The following ATP10B variants were observed in gnomAD, a reference collection of about 807,000 sequenced individuals.
ATP10B encodes ATPase phospholipid transporting 10B (putative).
ATP10B carries 122 observed loss-of-function variants against 141.2 expected under a neutral mutation model. That is an observed-to-expected ratio of 0.86 (90% CI 0.75 to 1.00). The LOEUF (loss-of-function observed/expected upper bound fraction) is 1.00, where lower values mean the gene tolerates loss of function less well. Ranked by LOEUF, ATP10B falls within the 50% of genes least tolerant of loss-of-function variation. The pLI is 0.00. For missense variants in ATP10B, 1,876 were observed against 1,825.3 expected (o/e 1.03, Z -0.51); for synonymous variants, 685 against 692.0 (o/e 0.99, Z 0.16).
chr5:160,827,444 T>G (rs368399253), intron 1 of ATP10B, among the ~76,000 whole-genome samples: 2 of 152,360 alleles, frequency 1.3e-5, no homozygotes, highest in South Asian at 4.1e-4. Flanking sequence ...GTTGGCCATG[T>G]GTATGGCTTC....
At chr5:160,871,451 G>C in the ATP10B span, among the ~76,000 whole-genome samples, 1 of 151,918 alleles carries the variant, frequency 6.6e-6, no homozygotes. Context: ...GTGAGATTTT[G>C]GTGCACCCAT....
chr5:160,685,796 A>G (rs1336846406), intron 6 of ATP10B, among the ~76,000 whole-genome samples: 1 of 152,156 alleles, frequency 6.6e-6, no homozygotes, highest in Non-Finnish European at 1.5e-5. Context: ...ACTGGTTAAT[A>G]ATTGTTCCCC....
chr5:160,709,836 C>T (rs931928934), intron 3 of ATP10B, among the ~76,000 whole-genome samples: 6 of 116,688 alleles, frequency 5.1e-5, no homozygotes, highest in African/African-American at 2.0e-4. Context: ...GTTCAATTCC[C>T]ACCTATGAGT....
At chr5:160,629,377 T>A (rs1045807432) in intron 13 of ATP10B, among the ~76,000 whole-genome samples, 1 of 152,138 alleles carries the variant, frequency 6.6e-6, no homozygotes. Flanking sequence ...CCTCCCAAGC[T>A]GTAGAAAGTG....
At chr5:160,666,724 G>T (rs1762340340) in intron 7 of ATP10B, among the ~76,000 whole-genome samples, 2 of 152,204 alleles carry the variant, frequency 1.3e-5, no homozygotes, top group Admixed American at 1.3e-4. Context: ...AAGTATAAGG[G>T]AGAAGCAAGG....
chr5:160,644,069 A>G (rs1760088589), intron 9 of ATP10B, 69 bp downstream of exon 9: 1 of 1,293,106 alleles, frequency 7.7e-7, no homozygotes, highest in African/African-American at 1.5e-5. Flanking sequence ...GTTCCCATTG[A>G]CTGAAGATGG....
At chr5:160,888,281 C>CA in the ATP10B span, among the ~76,000 whole-genome samples, 1,436 of 152,310 alleles carry the variant, frequency 9.4e-3, 26 homozygotes, top group African/African-American at 0.033. Context: ...AGAGTATCAG[C>CA]ACCTCTGACA....
At chr5:160,784,080 A>T (rs1163690663) in intron 2 of ATP10B, among the ~76,000 whole-genome samples, 1 of 152,138 alleles carries the variant, frequency 6.6e-6, no homozygotes, top group African/African-American at 2.4e-5. Context: ...TTCGAAGCCC[A>T]AGTGGTGTGG....
At chr5:160,603,561 T>C (rs1279048585) in intron 20 of ATP10B, 2 of 197,942 alleles carry the variant, frequency 1.0e-5, no homozygotes, top group African/African-American at 2.3e-5. Flanking sequence ...GTCTAACAGA[T>C]TGCTGGCATA....
At chr5:160,877,931 C>G in the ATP10B span, among the ~76,000 whole-genome samples, 1 of 150,950 alleles carries the variant, frequency 6.6e-6, no homozygotes, top group Non-Finnish European at 1.5e-5. Context: ...TAGGAAGAAT[C>G]AATATCGTGA....
In ATP10B at chr5:160,635,644, A is replaced by G. The variant is rs564043047; in HGVS notation, c.1128+538T>C. Among the ~76,000 whole-genome samples the G allele has an allele frequency of 2.0e-5, 3 of 152,236 alleles. No homozygotes were observed. In the East Asian group the frequency reaches 5.8e-4, roughly 29 times the overall value. On this transcript the variant is annotated intron_variant, in intron 11 of 25. Transcript: ENST00000327245. ...CTTCCCTCATCTTTTCATTGATTGT[A>G]TTTTCTTAGAGACACGAAGGTTTTA... is the stretch of plus-strand genomic sequence containing the variant.
chr5:160,886,628 C>G, the ATP10B span, among the ~76,000 whole-genome samples: 1 of 152,144 alleles, frequency 6.6e-6, no homozygotes, highest in Non-Finnish European at 1.5e-5. Context: ...GATCTAGACG[C>G]AAGAATTGGC....
chr5:160,798,376 G>T (rs925363481), intron 1 of ATP10B, among the ~76,000 whole-genome samples: 6 of 152,186 alleles, frequency 3.9e-5, no homozygotes, highest in African/African-American at 1.4e-4. Flanking sequence ...AATTATACTG[G>T]AGTAGAGTGG....
intron 2 of ATP10B, among the ~76,000 whole-genome samples, chr5:160,722,095 A>G (rs1470361902): frequency 1.3e-5 from 2 of 152,238 alleles, no homozygotes; most frequent in Non-Finnish European, 2.9e-5. Context: ...AGTATTTGTC[A>G]TAAGTGGCTG....
At position 160,598,947 on chromosome 5, in the gene ATP10B, C is replaced by G. The variant is rs980984147; in HGVS notation, c.3387G>C (p.Trp1129Cys). 9.3e-6 allele frequency: 15 copies of G among 1,613,942 alleles called. No individual in the cohort carries two copies. The African/African-American group carries it at 1.5e-4, about 16-fold the overall frequency. Reference sequence around the variant, plus strand: ...TGGAGAAACCACAGAAGAACTGATACCAGAAGAGCAGGTTGACGTAGCACT... The same window carrying G: ...TGGAGAAACCACAGAAGAACTGATAGCAGAAGAGCAGGTTGACGTAGCACT... ...KNVCYVNLLF[W>C]YQFFCGFSSS... Residue 1129 changes from tryptophan (W) to cysteine (C), a missense_variant, in exon 22 of 26, where the codon TGG becomes TGC. Physicochemically the swap from Trp to Cys is radical, Grantham distance 215 (BLOSUM62 -2). Coordinates refer to ENST00000327245, the MANE Select transcript of ATP10B (RefSeq NM_025153.3).
chr5:160,630,017 C>A (rs1758836258), intron 13 of ATP10B, among the ~76,000 whole-genome samples: 1 of 152,176 alleles, frequency 6.6e-6, no homozygotes, highest in Admixed American at 6.5e-5. Context: ...GAACTAAAAC[C>A]AGAACCTCCA....
chr5:160,571,826 C>A (rs371697172), intron 24 of ATP10B, among the ~76,000 whole-genome samples: 1 of 152,174 alleles, frequency 6.6e-6, no homozygotes, highest in Non-Finnish European at 1.5e-5. Context: ...TCTGTGGTCA[C>A]AATTTCCCCA....
chr5:160,880,672 A>G, the ATP10B span, among the ~76,000 whole-genome samples: 1 of 152,212 alleles, frequency 6.6e-6, no homozygotes, highest in Non-Finnish European at 1.5e-5. Flanking sequence ...TTGACAAATG[A>G]GCAAATATAA....
intron 22 of ATP10B, among the ~76,000 whole-genome samples, chr5:160,591,626 C>A (rs1756299647): frequency 6.6e-6 from 1 of 152,206 alleles, no homozygotes; most frequent in Admixed American, 6.5e-5. Flanking sequence ...TTCTGAAGTT[C>A]AACAGCTCCA....
Sources: gnomAD v4.1 joint callset for allele counts (sites outside exome capture counted in the v4.1 genomes callset) on GRCh38, gnomAD v4.1.1 for gene constraint, MANE v1.5 for transcripts, NCBI Gene and HGNC (gene_info 2026-07-23, HGNC 2026-07-21) for gene names.